Variants in ANO3 observed in about 807,000 individuals in gnomAD.
ANO3 encodes anoctamin 3, also known as anoctamin-3.
In ANO3, 99 loss-of-function variants were observed where a neutral mutation model predicts 144.8. The observed-to-expected ratio is 0.68, with a 90% CI of 0.58 to 0.81. The LOEUF (loss-of-function observed/expected upper bound fraction) is 0.81, where lower values mean the gene tolerates loss of function less well. Among genes scored for constraint, ANO3 ranks in the 30% least tolerant of loss-of-function variants. The probability of loss-of-function intolerance (pLI) is 0.00; values close to 1 mark genes in which losing one functional copy is unlikely to be tolerated. For missense variants in ANO3, 905 were observed against 1,202.2 expected (o/e 0.75, Z 3.66); for synonymous variants, 414 against 392.6 (o/e 1.05, Z -0.64).
At chr11:26,590,749 A>G (rs1851422839) in intron 14 of ANO3, among the ~76,000 whole-genome samples, 1 of 152,222 alleles carries the variant, frequency 6.6e-6, no homozygotes, top group East Asian at 1.9e-4. Context: ...GCCTCGCTGG[A>G]TCAGGAGCAC....
Position 26,589,435 on chromosome 11 carries a change from T to TA in ANO3, c.1448-8929dup, listed in dbSNP as rs1851381292. Among the ~76,000 whole-genome samples, 3 of 151,526 alleles carry TA rather than the reference T, an allele frequency of 2.0e-5. No individual in the cohort carries two copies. In the East Asian group the frequency reaches 5.8e-4, roughly 30 times the overall value. ...TTTCTTTTTTTTTTTTTTTAGTTTC[T>TA]ACAAATAATTTATTGGAATATAATT... On this transcript the variant is annotated intron_variant, in intron 14 of 26. Transcript: ENST00000256737.
At chr11:26,527,239 G>A (rs1174628298) in intron 7 of ANO3, among the ~76,000 whole-genome samples, 1 of 152,040 alleles carries the variant, frequency 6.6e-6, no homozygotes, top group Non-Finnish European at 1.5e-5. Flanking sequence ...TTGGTCAAAT[G>A]TAAAAGTAAA....
chr11:26,600,781 C>T (rs1851781273), intron 17 of ANO3, among the ~76,000 whole-genome samples: 1 of 151,760 alleles, frequency 6.6e-6, no homozygotes, highest in Non-Finnish European at 1.5e-5. Flanking sequence ...ATTGCTACGC[C>T]TTTATTCTTT....
chr11:26,315,674 T>TATCTATCC (rs1554938208), intron 1 of ANO3, among the ~76,000 whole-genome samples: 1 of 143,982 alleles, frequency 6.9e-6, no homozygotes, highest in African/African-American at 2.6e-5. Context: ...TCTATCTATC[T>TATCTATCC]ATCTATCTAT....
intron 1 of ANO3, among the ~76,000 whole-genome samples, chr11:26,345,138 G>A (rs921138282): frequency 1.3e-5 from 2 of 152,150 alleles, no homozygotes; most frequent in Non-Finnish European, 2.9e-5. Flanking sequence ...AAAGTAAAGT[G>A]GGGTAGGGCA....
chr11:26,338,703 T>A (rs529976755), intron 1 of ANO3, among the ~76,000 whole-genome samples: 5 of 150,252 alleles, frequency 3.3e-5, no homozygotes, highest in African/African-American at 1.2e-4. Flanking sequence ...ACCCCCCCAC[T>A]GGGAGAAACA....
In ANO3 at chr11:26,443,818, C is replaced by A. The variant is rs370404701; in HGVS notation, c.295C>A (p.Leu99Ile). ...TGTGCTGAGATGTTCATTTGCTGAC[C>A]TCAGCGATTTTTGTTTGGGTAAGTT... ...DSVLRCSFAD[L>I]SDFCLALGKD... The change falls in exon 3 of 27, where the codon CTC (leucine) becomes ATC (isoleucine). Residue 99 changes from leucine (L) to isoleucine (I), a missense_variant. Physicochemically the swap from Leu to Ile is conservative, Grantham distance 5. Around this residue, in one of 4 missense-constraint regions of ANO3, gnomAD observed 174 missense variants for 171.9 expected, o/e 1.01. Coordinates refer to ENST00000256737, the MANE Select transcript of ANO3 (RefSeq NM_031418.4). 322 of 1,611,334 alleles carry A rather than the reference C, an allele frequency of 2.0e-4. No homozygotes were observed. The highest frequency in any genetic ancestry group is 2.6e-4 in the Non-Finnish European group (305 of 1,178,658).
Position 26,564,732 on chromosome 11 carries a change from CATATATATATAT to C in ANO3, c.1447+4995_1447+5006del, listed in dbSNP as rs66510170. Among the ~76,000 whole-genome samples, 213 of 25,316 alleles carry C rather than the reference CATATATATATAT, an allele frequency of 8.4e-3. 1 individual carries two copies. The highest frequency in any genetic ancestry group is 0.01 in the Non-Finnish European group (140 of 13,766). The allele number at this position is 25,316 out of a possible 152,430, so 16.6% of individuals were successfully genotyped here. A position where few individuals can be genotyped will look rare whatever the true frequency, so the allele number is the denominator to read the frequency against. On this transcript the variant is annotated intron_variant, in intron 14 of 26. Coordinates refer to ENST00000256737, the MANE Select transcript of ANO3 (RefSeq NM_031418.4). ...ACACACACACACACACACACACACA[CATATATATATAT>C]ATATATATATATATATATATATATA...
intron 1 of ANO3, among the ~76,000 whole-genome samples, chr11:26,273,225 AGTT>A (rs1474402733): frequency 7.0e-6 from 1 of 141,850 alleles, no homozygotes; most frequent in African/African-American, 2.9e-5. Context: ...TGCCTTTTAA[AGTT>A]TTTTTTTTTT....
intron 17 of ANO3, among the ~76,000 whole-genome samples, chr11:26,602,386 A>C (rs1851822322): frequency 6.6e-6 from 1 of 152,142 alleles, no homozygotes; most frequent in Non-Finnish European, 1.5e-5. Flanking sequence ...GTAAATAGCC[A>C]CAAATCATCT....
intron 1 of ANO3, among the ~76,000 whole-genome samples, chr11:26,252,459 T>C (rs1391744908): frequency 1.3e-5 from 2 of 152,228 alleles, no homozygotes; most frequent in Non-Finnish European, 2.9e-5. Flanking sequence ...TGTTCTTTGA[T>C]TTCCTAATAT....
rs1457411775 is a variant in ANO3 at position 26,556,615 on chromosome 11, G to A, written c.1387-3104G>A. Among the ~76,000 whole-genome samples, 5 of 152,162 alleles carry A rather than the reference G, an allele frequency of 3.3e-5. No homozygotes were observed. The East Asian group carries it at 7.7e-4, about 23-fold the overall frequency. ...CTCTATGTTAACAAGTTCCTCAGGT[G>A]ACTCTAATTTCTAGGACCAAATTTT... On this transcript the variant is annotated intron_variant, in intron 13 of 26. Coordinates refer to ENST00000256737, the MANE Select transcript of ANO3 (RefSeq NM_031418.4).
chr11:26,399,506 C>G (rs986549768), intron 1 of ANO3, among the ~76,000 whole-genome samples: 2 of 151,806 alleles, frequency 1.3e-5, no homozygotes, highest in Non-Finnish European at 2.9e-5. Context: ...TACTACAGCA[C>G]TCAACATCTG....
chr11:26,403,286 A>C (rs1857196440), intron 1 of ANO3, among the ~76,000 whole-genome samples: 1 of 151,974 alleles, frequency 6.6e-6, no homozygotes, highest in Admixed American at 6.6e-5. Context: ...TATTGCAATA[A>C]TAGCAGTCAT....
At chr11:26,268,694 G>A (rs1853369168) in intron 1 of ANO3, among the ~76,000 whole-genome samples, 1 of 152,110 alleles carries the variant, frequency 6.6e-6, no homozygotes, top group Non-Finnish European at 1.5e-5. Context: ...AGCCGAAGAA[G>A]GTGCAACTCT....
At chr11:26,577,706 C>T (rs1204563493) in intron 14 of ANO3, among the ~76,000 whole-genome samples, 4 of 152,122 alleles carry the variant, frequency 2.6e-5, no homozygotes, top group Admixed American at 2.6e-4. Flanking sequence ...TGTTAATGTG[C>T]ATGAGTACAA....
At chr11:26,189,555 A>G (rs147579621) in intron 1 of ANO3, among the ~76,000 whole-genome samples, 1,599 of 152,308 alleles carry the variant, frequency 0.01, 15 homozygotes, top group South Asian at 0.018. Flanking sequence ...TCAGAAAACA[A>G]AGTCAGTAAA....
Position 26,643,225 on chromosome 11 carries a change from T to C in ANO3, c.2319T>C (p.Pro773=). 1 of 1,614,222 alleles carries C rather than the reference T, an allele frequency of 6.2e-7. No homozygotes were observed. Among genetic ancestry groups the C allele is most frequent in the South Asian group, 1.1e-5 (1 of 91,092 alleles). ...GFTTIFVAAF[P]LAPLLALLNN... is the part of the protein sequence containing the mutation. ...CCACCATCTTTGTTGCGGCTTTTCCTCTAGCCCCTCTTTTGGCTTTGTTAA... is the reference window on the plus strand; with the variant it reads ...CCACCATCTTTGTTGCGGCTTTTCCCCTAGCCCCTCTTTTGGCTTTGTTAA... The change falls in exon 23 of 27, where the codon CCT becomes CCC. Residue 773 remains proline (P), a synonymous_variant. Transcript: ENST00000256737.
At chr11:26,374,549 T>C (rs960641625) in intron 1 of ANO3, among the ~76,000 whole-genome samples, 2 of 152,196 alleles carry the variant, frequency 1.3e-5, no homozygotes, top group Non-Finnish European at 2.9e-5. Flanking sequence ...GTAATAATCA[T>C]TTGCCATTTT....
Sources: allele counts gnomAD v4.1 joint callset (sites outside exome capture counted in the v4.1 genomes callset), GRCh38; gene constraint gnomAD v4.1.1; regional missense constraint gnomAD v4.1.1; transcripts MANE v1.5; gene names NCBI Gene and HGNC (gene_info 2026-07-23, HGNC 2026-07-21).